Variants in ASIC2 observed in about 807,000 individuals in gnomAD.
The protein encoded by ASIC2 is acid sensing ion channel subunit 2.
A neutral mutation model predicts 57.3 loss-of-function variants in ASIC2; 25 were observed. That is an observed-to-expected ratio of 0.44 (90% CI 0.32 to 0.61). ASIC2 has a LOEUF of 0.61. ASIC2 is among the 20% of genes least tolerant of loss of function. ASIC2 has a pLI of 0.06. For missense variants in ASIC2, 641 were observed against 738.1 expected, an observed-to-expected ratio of 0.87 and a Z score of 1.52; for synonymous variants, 319 against 307.5, an observed-to-expected ratio of 1.04 and a Z score of -0.39.
intron 5 of ASIC2, among the ~76,000 whole-genome samples, chr17:33,025,597 A>C (rs1598239982): frequency 6.7e-6 from 1 of 150,102 alleles, no homozygotes; most frequent in East Asian, 2.0e-4. Flanking sequence ...TCCTCTCTCC[A>C]CCTCTGTCCT....
At chr17:33,826,487 T>C (rs765721495) in intron 1 of ASIC2, among the ~76,000 whole-genome samples, 7 of 152,190 alleles carry the variant, frequency 4.6e-5, no homozygotes, top group Non-Finnish European at 1.0e-4. Context: ...GAAGGTCACC[T>C]TTCCCTTTAA....
chr17:33,684,923 C>G (rs1346144722), intron 1 of ASIC2, among the ~76,000 whole-genome samples: 1 of 152,100 alleles, frequency 6.6e-6, no homozygotes, highest in East Asian at 1.9e-4. Flanking sequence ...TATTGTGAAA[C>G]CAGATATTAT....
intron 1 of ASIC2, among the ~76,000 whole-genome samples, chr17:33,556,493 A>G (rs1256510772): frequency 2.6e-5 from 4 of 152,228 alleles, no homozygotes; most frequent in African/African-American, 9.6e-5. Flanking sequence ...CTGGATGACA[A>G]TTATTTACTT....
At chr17:33,732,779 A>T (rs368521388) in intron 1 of ASIC2, among the ~76,000 whole-genome samples, 24 of 152,286 alleles carry the variant, frequency 1.6e-4, no homozygotes, top group African/African-American at 5.8e-4. Context: ...CTGGGACTAC[A>T]GGTGTGCACC....
intron 1 of ASIC2, among the ~76,000 whole-genome samples, chr17:33,151,017 G>A (rs879632965): frequency 5.3e-5 from 8 of 151,614 alleles, no homozygotes; most frequent in South Asian, 2.1e-4. Flanking sequence ...GTGACAGAGC[G>A]AGACTCCATC....
chr17:34,078,657 GGGA>G (rs1441064619), intron 1 of ASIC2, among the ~76,000 whole-genome samples: 1 of 152,118 alleles, frequency 6.6e-6, no homozygotes, highest in Non-Finnish European at 1.5e-5. Context: ...GGGCACTTGG[GGGA>G]AACAGAAGCA....
intron 1 of ASIC2, among the ~76,000 whole-genome samples, chr17:33,887,793 G>A (rs1483518558): frequency 6.6e-6 from 1 of 152,186 alleles, no homozygotes; most frequent in African/African-American, 2.4e-5. Flanking sequence ...AGCAGTTTTA[G>A]ATTTTTTAGT....
At chr17:34,030,262 G>A (rs1907542567) in intron 1 of ASIC2, among the ~76,000 whole-genome samples, 2 of 152,176 alleles carry the variant, frequency 1.3e-5, no homozygotes, top group Non-Finnish European at 2.9e-5. Flanking sequence ...TACCCTTCCA[G>A]CACCACTTTC....
intron 1 of ASIC2, among the ~76,000 whole-genome samples, chr17:33,364,849 C>T (rs576611459): frequency 3.3e-5 from 5 of 152,302 alleles, no homozygotes; most frequent in African/African-American, 1.2e-4. Flanking sequence ...CATGAATTCC[C>T]CTTCGTTACT....
chr17:33,365,834 AG>A (rs1908787929), intron 1 of ASIC2, among the ~76,000 whole-genome samples: 1 of 152,210 alleles, frequency 6.6e-6, no homozygotes, highest in Non-Finnish European at 1.5e-5. Flanking sequence ...GGAAGAAAAA[AG>A]TCTATTTATT....
chr17:33,527,433 AG>A (rs76732932), intron 1 of ASIC2, among the ~76,000 whole-genome samples: 10,549 of 152,242 alleles, frequency 0.069, 579 homozygotes, highest in East Asian at 0.29. Context: ...CTGAGAAGAA[AG>A]GAACACACGT....
chr17:33,827,078 T>A (rs539950190), intron 1 of ASIC2, among the ~76,000 whole-genome samples: 3 of 152,268 alleles, frequency 2.0e-5, no homozygotes, highest in East Asian at 3.9e-4. Context: ...TAGTCTGAGA[T>A]TTTGATGTGG....
chr17:33,595,266 G>T (rs868348854), intron 1 of ASIC2, among the ~76,000 whole-genome samples: 2 of 152,188 alleles, frequency 1.3e-5, no homozygotes, highest in East Asian at 1.9e-4. Context: ...TGAAAACCAG[G>T]TCTGTCTGAC....
At chr17:33,196,840 G>A (rs1906648271) in intron 1 of ASIC2, among the ~76,000 whole-genome samples, 1 of 152,204 alleles carries the variant, frequency 6.6e-6, no homozygotes, top group Non-Finnish European at 1.5e-5. Flanking sequence ...CACCACCAAG[G>A]GCTCCTGGCA....
intron 1 of ASIC2, among the ~76,000 whole-genome samples, chr17:33,420,764 C>T (rs1052434728): frequency 1.2e-4 from 18 of 152,128 alleles, no homozygotes; most frequent in African/African-American, 3.9e-4. Context: ...GCTACCAACA[C>T]AGAATGGGAG....
At chr17:33,958,749 T>C (rs1479560931) in intron 1 of ASIC2, among the ~76,000 whole-genome samples, 2 of 152,148 alleles carry the variant, frequency 1.3e-5, no homozygotes, top group African/African-American at 4.8e-5. Flanking sequence ...TTCCCTGTTG[T>C]CTTGGTGATT....
intron 1 of ASIC2, among the ~76,000 whole-genome samples, chr17:33,413,208 T>A (rs753984340): frequency 3.9e-5 from 6 of 152,080 alleles, no homozygotes; most frequent in Non-Finnish European, 8.8e-5. Context: ...AGGGATAAGG[T>A]CTTAAGTGTT....
intron 1 of ASIC2, among the ~76,000 whole-genome samples, chr17:33,889,284 T>G (rs1164705377): frequency 6.6e-6 from 1 of 152,138 alleles, no homozygotes; most frequent in African/African-American, 2.4e-5. Flanking sequence ...GGAAATGACT[T>G]CCCTAAAGTC....
intron 1 of ASIC2, among the ~76,000 whole-genome samples, chr17:33,397,039 A>G (rs1281942224): frequency 6.6e-6 from 1 of 152,214 alleles, no homozygotes; most frequent in African/African-American, 2.4e-5. Flanking sequence ...AACTTACAAC[A>G]TATTCCGAGT....
Sources: gnomAD v4.1 joint callset for allele counts (sites outside exome capture counted in the v4.1 genomes callset) on GRCh38, gnomAD v4.1.1 for gene constraint, MANE v1.5 for transcripts, NCBI Gene and HGNC (gene_info 2026-07-23, HGNC 2026-07-21) for gene names.